Variants in TAFA1 observed in about 807,000 individuals in gnomAD.
TAFA1 encodes TAFA chemokine like family member 1.
TAFA1 carries 4 observed loss-of-function variants against 18.5 expected under a neutral mutation model. The ratio of observed to expected loss-of-function variants is 0.22; its 90% CI spans 0.11 to 0.49. The LOEUF is 0.49. Among genes scored for constraint, TAFA1 ranks in the 20% least tolerant of loss-of-function variants. TAFA1 has a pLI of 0.98. For synonymous variants in TAFA1, 56 were observed against 55.2 expected (o/e 1.01, Z -0.06); for missense variants, 147 against 169.0 (o/e 0.87, Z 0.72).
intron 2 of TAFA1, among the ~76,000 whole-genome samples, chr3:68,388,428 T>G (rs978518236): frequency 6.6e-6 from 1 of 152,170 alleles, no homozygotes; most frequent in African/African-American, 2.4e-5. Context: ...ACCTTTCTAT[T>G]TTTTTAAACA....
At chr3:67,997,773 G>A in the TAFA1 span, among the ~76,000 whole-genome samples, 3,089 of 151,976 alleles carry the variant, frequency 0.02, 44 homozygotes, top group Non-Finnish European at 0.029. Context: ...CACTATGTAG[G>A]ATCCTATAGA....
intron 2 of TAFA1, among the ~76,000 whole-genome samples, chr3:68,221,152 G>T (rs2066725011): frequency 6.6e-6 from 1 of 152,164 alleles, no homozygotes; most frequent in Non-Finnish European, 1.5e-5. Flanking sequence ...GCAGGAAGTG[G>T]CCTGTAGACC....
intron 3 of TAFA1, among the ~76,000 whole-genome samples, chr3:68,488,849 T>G (rs1381228092): frequency 6.6e-6 from 1 of 152,198 alleles, no homozygotes; most frequent in Non-Finnish European, 1.5e-5. Flanking sequence ...TGCCTCATTT[T>G]CCTCATCTCT....
intron 2 of TAFA1, among the ~76,000 whole-genome samples, chr3:68,315,759 G>T (rs1226986116): frequency 6.6e-6 from 1 of 152,122 alleles, no homozygotes; most frequent in African/African-American, 2.4e-5. Flanking sequence ...CAGTAGTTTT[G>T]AAATTTAATT....
At chr3:68,169,597 C>A (rs1294746269) in intron 2 of TAFA1, among the ~76,000 whole-genome samples, 1 of 152,162 alleles carries the variant, frequency 6.6e-6, no homozygotes, top group East Asian at 1.9e-4. Context: ...CATTACTCTG[C>A]AATAAATAAT....
intron 3 of TAFA1, among the ~76,000 whole-genome samples, chr3:68,493,294 A>T (rs960800968): frequency 2.0e-5 from 3 of 152,170 alleles, no homozygotes; most frequent in Non-Finnish European, 2.9e-5. Context: ...TCCTCAAGGT[A>T]TATCTATGTT....
At chr3:68,437,044 A>G (rs913619869) in intron 3 of TAFA1, among the ~76,000 whole-genome samples, 2 of 152,224 alleles carry the variant, frequency 1.3e-5, no homozygotes, top group African/African-American at 4.8e-5. Flanking sequence ...AATGTAATAT[A>G]GACATGAAAG....
At position 68,505,145 on chromosome 3, in the gene TAFA1, C is replaced by T. The variant is rs528933316; in HGVS notation, c.260-33611C>T. Among the ~76,000 whole-genome samples, 10 of 152,154 alleles carry T rather than the reference C, an allele frequency of 6.6e-5. No individual in the cohort carries two copies. The South Asian group carries it at 1.0e-3, about 16-fold the overall frequency. On this transcript the variant is annotated intron_variant, in intron 3 of 4. Coordinates refer to ENST00000478136, the MANE Select transcript of TAFA1 (RefSeq NM_213609.4). ...TTCTACTCAAACAGGGACAAGGTTT[C>T]GGAGGATAATCAAGTGGATAATAAT... is the stretch of plus-strand genomic sequence containing the variant.
intron 3 of TAFA1, among the ~76,000 whole-genome samples, chr3:68,495,307 A>C (rs2072525428): frequency 6.6e-6 from 1 of 152,352 alleles, no homozygotes; most frequent in East Asian, 1.9e-4. Context: ...TTGGACAAGA[A>C]AAAGAGTTAA....
At chr3:68,278,799 T>C (rs943730404) in intron 2 of TAFA1, among the ~76,000 whole-genome samples, 7 of 152,126 alleles carry the variant, frequency 4.6e-5, no homozygotes, top group Admixed American at 3.9e-4. Context: ...TCGCATTCAG[T>C]AGGTCTGGGA....
At chr3:68,208,858 C>T (rs1239970091) in intron 2 of TAFA1, among the ~76,000 whole-genome samples, 7 of 151,920 alleles carry the variant, frequency 4.6e-5, no homozygotes, top group East Asian at 1.9e-4. Flanking sequence ...TCTGAATAAG[C>T]GCCTCCTCTT....
intron 3 of TAFA1, among the ~76,000 whole-genome samples, chr3:68,484,116 A>G (rs1186968337): frequency 6.6e-6 from 1 of 152,242 alleles, no homozygotes; most frequent in Non-Finnish European, 1.5e-5. Context: ...CATCCAAATT[A>G]TTGTCATTTC....
intron 2 of TAFA1, among the ~76,000 whole-genome samples, chr3:68,087,363 A>G (rs1376443932): frequency 6.6e-6 from 1 of 152,176 alleles, no homozygotes; most frequent in Admixed American, 6.5e-5. Context: ...AAATTTGACT[A>G]TCCATACCAG....
At chr3:68,279,758 T>C (rs572800259) in intron 2 of TAFA1, among the ~76,000 whole-genome samples, 1 of 152,312 alleles carries the variant, frequency 6.6e-6, no homozygotes, top group East Asian at 1.9e-4. Flanking sequence ...TGCTCTTGGG[T>C]GGCGTTCCCA....
intron 2 of TAFA1, among the ~76,000 whole-genome samples, chr3:68,081,312 T>C (rs1053127082): frequency 1.3e-5 from 2 of 152,150 alleles, no homozygotes; most frequent in Non-Finnish European, 2.9e-5. Context: ...TTCTCTCAGC[T>C]CGTCAAAGTC....
intron 2 of TAFA1, among the ~76,000 whole-genome samples, chr3:68,050,827 A>G (rs1429199897): frequency 6.6e-6 from 1 of 152,182 alleles, no homozygotes; most frequent in African/African-American, 2.4e-5. Flanking sequence ...AAGCAACCAA[A>G]GACAATAAGT....
intron 2 of TAFA1, among the ~76,000 whole-genome samples, chr3:68,192,124 C>G (rs539819765): frequency 5.9e-5 from 9 of 151,882 alleles, no homozygotes; most frequent in African/African-American, 1.9e-4. Context: ...CGCTCTAGTC[C>G]AACAACTATT....
chr3:68,522,125 G>A (rs1278160436), intron 3 of TAFA1, among the ~76,000 whole-genome samples: 1 of 151,986 alleles, frequency 6.6e-6, no homozygotes, highest in African/African-American at 2.4e-5. Context: ...TGGATTCCAG[G>A]TGTGAGCCAC....
intron 2 of TAFA1, among the ~76,000 whole-genome samples, chr3:68,206,967 A>G (rs1347562416): frequency 6.6e-6 from 1 of 151,910 alleles, no homozygotes; most frequent in African/African-American, 2.4e-5. Context: ...ACACTCCCCA[A>G]AGTGGTAAGG....
Sources: allele counts gnomAD v4.1 joint callset (sites outside exome capture counted in the v4.1 genomes callset), GRCh38; gene constraint gnomAD v4.1.1; transcripts MANE v1.5; gene names NCBI Gene and HGNC (gene_info 2026-07-23, HGNC 2026-07-21).